Variants in NKAIN3 observed in about 807,000 individuals in gnomAD.
NKAIN3 encodes the protein sodium/potassium transporting ATPase interacting 3, also known as sodium/potassium-transporting ATPase subunit beta-1-interacting protein 3.
A neutral mutation model predicts 30.2 loss-of-function variants in NKAIN3; 25 were observed. That is an observed-to-expected ratio of 0.83 (90% CI 0.60 to 1.16). The LOEUF (loss-of-function observed/expected upper bound fraction) is 1.16. NKAIN3 is among the 50% of genes most tolerant of loss of function. NKAIN3 has a pLI of 0.00. For synonymous variants in NKAIN3, 91 were observed against 89.6 expected (o/e 1.02, Z -0.09); for missense variants, 225 against 254.1 (o/e 0.89, Z 0.78).
At chr8:62,344,822 TTTTC>T in intron 1 of NKAIN3, 1 of 429,388 alleles carries the variant, frequency 2.3e-6, no homozygotes, top group Middle Eastern at 3.5e-4. Flanking sequence ...TTTTAAATTT[TTTTC>T]TTTCTGTGTC....
chr8:62,466,584 A>G (rs1245083732), intron 1 of NKAIN3, among the ~76,000 whole-genome samples: 1 of 152,144 alleles, frequency 6.6e-6, no homozygotes, highest in African/African-American at 2.4e-5. Flanking sequence ...GTTTAATAGT[A>G]TATTCTTCAA....
intron 1 of NKAIN3, among the ~76,000 whole-genome samples, chr8:62,350,666 TA>T (rs1816151803): frequency 6.6e-6 from 1 of 152,232 alleles, no homozygotes; most frequent in East Asian, 1.9e-4. Context: ...TATATTGCCT[TA>T]GAGAGTAATG....
At chr8:62,518,361 A>G (rs1020719415) in intron 1 of NKAIN3, among the ~76,000 whole-genome samples, 7 of 152,130 alleles carry the variant, frequency 4.6e-5, no homozygotes, top group African/African-American at 1.7e-4. Flanking sequence ...CAAAAAACAA[A>G]CAAACAAAAA....
intron 5 of NKAIN3, among the ~76,000 whole-genome samples, chr8:62,951,635 T>A (rs1823287467): frequency 6.6e-6 from 1 of 151,612 alleles, no homozygotes; most frequent in African/African-American, 2.4e-5. Flanking sequence ...ATTTTTGAAT[T>A]TTTTTTTAAT....
intron 4 of NKAIN3, among the ~76,000 whole-genome samples, chr8:62,909,589 A>G (rs1821875458): frequency 6.6e-6 from 1 of 152,212 alleles, no homozygotes; most frequent in African/African-American, 2.4e-5. Flanking sequence ...TGGGAAATCA[A>G]GAACTACACA....
In NKAIN3 at chr8:62,276,358, G is replaced by A. The variant is rs185669896; in HGVS notation, c.54+27231G>A. Among the ~76,000 whole-genome samples, 37 of 152,214 alleles carry A rather than the reference G, an allele frequency of 2.4e-4. 2 individuals carry two copies. The East Asian group carries it at 4.1e-3, about 17-fold the overall frequency. On this transcript the variant is annotated intron_variant, in intron 1 of 6. Transcript: ENST00000623646. ...TGGGATTACAGGAGTGAGCCACTGC[G>A]CCCAGCCTGATTTTGACTTTTTTCA...
At chr8:62,713,661 A>T (rs1343301656) in intron 3 of NKAIN3, among the ~76,000 whole-genome samples, 1 of 152,158 alleles carries the variant, frequency 6.6e-6, no homozygotes, top group South Asian at 2.1e-4. Context: ...CCTTCAATAA[A>T]TTTTTATATA....
chr8:62,819,335 A>C (rs1818783066), intron 4 of NKAIN3, among the ~76,000 whole-genome samples: 1 of 151,904 alleles, frequency 6.6e-6, no homozygotes, highest in African/African-American at 2.4e-5. Context: ...ATGATGAATA[A>C]AAAGTGACTA....
rs1332973001 is a variant in NKAIN3, at chr8:62,970,819, C to G, written c.*5412C>G. On this transcript the variant is annotated 3_prime_UTR_variant, in exon 7 of 7. Transcript: ENST00000623646. ...ATTTTCCATGTAAGGCATGTTTTTC[C>G]TTTCCTCTTCAGAGTTATTTAGAAA... Among the ~76,000 whole-genome samples, 1 of 152,094 alleles carries G rather than the reference C, an allele frequency of 6.6e-6. No individual in the cohort carries two copies. The highest frequency in any genetic ancestry group is 1.5e-5 in the Non-Finnish European group (1 of 67,994).
chr8:62,686,009 T>C lies in NKAIN3; in HGVS notation c.274-60923T>C, dbSNP rs533199014. ...GGTGATTATGGAAGCCATGGTCAGA[T>C]GCCATTCAGATCTCCTTTCGAGAGA... On this transcript the variant is annotated intron_variant, in intron 3 of 6. Transcript: ENST00000623646. Among the ~76,000 whole-genome samples the C allele has an allele frequency of 3.3e-5, 5 of 152,306 alleles. No homozygotes were observed. In the South Asian group the frequency reaches 1.0e-3, roughly 32 times the overall value.
chr8:62,312,347 A>G lies in NKAIN3; in HGVS notation c.54+63220A>G, dbSNP rs138964831. Among the ~76,000 whole-genome samples the G allele has an allele frequency of 4.2e-3, 631 of 150,800 alleles. 70 individuals are homozygous for G. The highest frequency in any genetic ancestry group is 0.015 in the African/African-American group (606 of 40,110). On this transcript the variant is annotated intron_variant, in intron 1 of 6. Transcript: ENST00000623646. Reference sequence around the variant, plus strand: ...TAAAAATTAGGGTTTGGAAGAAAATATTAGGCTCTTAAGCAAAAAATATTG... The same window carrying G: ...TAAAAATTAGGGTTTGGAAGAAAATGTTAGGCTCTTAAGCAAAAAATATTG...
chr8:62,415,386 A>G (rs1180957015), intron 1 of NKAIN3, among the ~76,000 whole-genome samples: 1 of 149,444 alleles, frequency 6.7e-6, no homozygotes, highest in Non-Finnish European at 1.5e-5. Context: ...CTGGATTATA[A>G]TAATTGCTAA....
chr8:62,328,274 C>T (rs1815210450), intron 1 of NKAIN3, among the ~76,000 whole-genome samples: 1 of 152,106 alleles, frequency 6.6e-6, no homozygotes, highest in South Asian at 2.1e-4. Flanking sequence ...ACCAAATTTA[C>T]AAGTCCAATG....
At chr8:62,759,052 T>G (rs1816554985) in intron 4 of NKAIN3, among the ~76,000 whole-genome samples, 1 of 152,206 alleles carries the variant, frequency 6.6e-6, no homozygotes, top group Admixed American at 6.5e-5. Flanking sequence ...CACTCTTTTT[T>G]CTATAACCTG....
intron 1 of NKAIN3, among the ~76,000 whole-genome samples, chr8:62,436,455 G>A (rs1805177254): frequency 6.6e-6 from 1 of 152,134 alleles, no homozygotes; most frequent in South Asian, 2.1e-4. Flanking sequence ...GAATGAGACA[G>A]AGTAAAGCTG....
rs773430955 is a variant in NKAIN3, at chr8:62,729,043, A to ACAAACAAAC, written c.274-17889_274-17888insCAAACAAAC. Among the ~76,000 whole-genome samples, 142 of 128,698 alleles carry ACAAACAAAC rather than the reference A, an allele frequency of 1.1e-3. 3 individuals carry two copies. Among genetic ancestry groups the ACAAACAAAC allele is most frequent in the Middle Eastern group, 8.5e-3 (2 of 234 alleles). 84.4% of individuals were successfully genotyped at this position (128,698 alleles called of 152,430 possible). A position where few individuals can be genotyped will look rare whatever the true frequency, so the allele number is the denominator to read the frequency against. ...ACAAACCAAAAAAAAAAAAAAACAA[A>ACAAACAAAC]AAAAAAAAACCTCCTGCTCTGCAAA... On this transcript the variant is annotated intron_variant, in intron 3 of 6. Coordinates refer to ENST00000623646, the MANE Select transcript of NKAIN3 (RefSeq NM_001304533.3).
At chr8:62,507,897 G>C (rs781059560) in intron 1 of NKAIN3, among the ~76,000 whole-genome samples, 1 of 152,178 alleles carries the variant, frequency 6.6e-6, no homozygotes, top group Non-Finnish European at 1.5e-5. Flanking sequence ...GTGATCTTTG[G>C]AGAGATTCTG....
At chr8:62,847,512 G>A (rs753099142) in intron 4 of NKAIN3, among the ~76,000 whole-genome samples, 2 of 151,930 alleles carry the variant, frequency 1.3e-5, no homozygotes, top group Non-Finnish European at 2.9e-5. Flanking sequence ...CATGTTCTTT[G>A]CCCACTTTTT....
At chr8:62,482,754 G>A (rs1439305636) in intron 1 of NKAIN3, 1 of 152,238 alleles carries the variant, frequency 6.6e-6, no homozygotes, top group Non-Finnish European at 1.5e-5. Flanking sequence ...GGCCGGCCGT[G>A]CTAGAGTTCA....
Sources: allele counts gnomAD v4.1 joint callset (sites outside exome capture counted in the v4.1 genomes callset), GRCh38; gene constraint gnomAD v4.1.1; transcripts MANE v1.5; gene names NCBI Gene and HGNC (gene_info 2026-07-23, HGNC 2026-07-21).